The following ANKLE1 variants were observed in gnomAD, a reference collection of about 807,000 sequenced individuals.
ANKLE1 encodes structure-specific endonuclease ANKLE1.
In ANKLE1, 59 loss-of-function variants were observed where a neutral mutation model predicts 56.2. That is an observed-to-expected ratio of 1.05 (90% CI 0.85 to 1.30). The LOEUF (loss-of-function observed/expected upper bound fraction) is 1.30. ANKLE1 is among the 50% of genes most tolerant of loss of function. The pLI, the probability that ANKLE1 is intolerant of heterozygous loss-of-function variation, is 0.00. For missense variants in ANKLE1, 771 were observed against 816.1 expected (o/e 0.94, Z 0.67); for synonymous variants, 341 against 352.9 (o/e 0.97, Z 0.38).
chr19:17,283,108 A>T, intron 4 of ANKLE1, 106 bp downstream of exon 4: 3 of 1,541,268 alleles, frequency 1.9e-6, no homozygotes, highest in Non-Finnish European at 2.6e-6. Context: ...CACATCCACT[A>T]TTTGTGGCCA....
In ANKLE1 at chr19:17,285,686, C is replaced by T; in HGVS notation, c.1542C>T (p.His514=). ...GACTCCTGATTCTGCCCTAGCCCCACCAGGCCTGCCCCAAGGTGCGTCAGA... is the reference window on the plus strand; with the variant it reads ...GACTCCTGATTCTGCCCTAGCCCCATCAGGCCTGCCCCAAGGTGCGTCAGA... The part of the protein sequence containing the change: ...GHHGRSRKQP[H]QACPKVRQIL... Residue 514 remains histidine (H), a synonymous_variant, in exon 8 of 9, where the codon CAC becomes CAT. Coordinates refer to ENST00000404085, the MANE Select transcript of ANKLE1 (RefSeq NM_152363.6). 6.2e-7 allele frequency: 1 copy of T among 1,613,942 alleles called. No individual in the cohort carries two copies. Among genetic ancestry groups the T allele is most frequent in the Non-Finnish European group, 8.5e-7 (1 of 1,179,886 alleles).
At position 17,286,429 on chromosome 19, in the gene ANKLE1, G is replaced by T; in HGVS notation, c.1725G>T (p.Val575=). The change falls in exon 9 of 9, where the codon GTG becomes GTT. Residue 575 remains valine, a synonymous_variant. Coordinates refer to ENST00000404085, the MANE Select transcript of ANKLE1 (RefSeq NM_152363.6). The part of the protein sequence containing the change: ...NQKQGHCYGV[V]AGWPPARRRR... ...AGCAAGGGCACTGCTATGGAGTGGT[G>T]GCAGGCTGGCCACCTGCTCGTCGCC... 6.2e-7 allele frequency: 1 copy of T among 1,609,946 alleles called. No individual in the cohort carries two copies.
In ANKLE1 at chr19:17,281,905, C is replaced by A; in HGVS notation, c.-16C>A. 6.5e-7 allele frequency: 1 copy of A among 1,535,200 alleles called. No individual in the cohort carries two copies. On this transcript the variant is annotated 5_prime_UTR_variant, in exon 1 of 9. Coordinates refer to ENST00000404085, the MANE Select transcript of ANKLE1 (RefSeq NM_152363.6). ...AATCGACCGACCAGGCGGTGCGCTT[C>A]GGACCCAGCCAGGGCATGTGCTCGG...
chr19:17,285,539 A>G lies in ANKLE1; in HGVS notation c.1485A>G (p.Pro495=), dbSNP rs1299576521. 3 of 1,613,944 alleles carry G rather than the reference A, an allele frequency of 1.9e-6. No individual in the cohort carries two copies. The highest frequency in any genetic ancestry group is 2.5e-6 in the Non-Finnish European group (3 of 1,179,890). Residue 495 remains proline, a synonymous_variant, in exon 7 of 9, where the codon CCA becomes CCG. Transcript: ENST00000404085. The stretch of plus-strand genomic sequence containing the variant: ...TGGGCAAAGGGACGAGGGCCCGGCC[A>G]TATGTCCACCTCTGGGAGGCCCTTG... ...FYVGKGTRAR[P]YVHLWEALGH...
rs750898007 is a variant in ANKLE1 at position 17,286,390 on chromosome 19, G to A, written c.1686G>A (p.Thr562=). The A allele has an allele frequency of 1.9e-5, 30 of 1,568,678 alleles. No homozygotes were observed. In the African/African-American group the frequency reaches 2.7e-4, roughly 14 times the overall value. ...ATCCAATTTCTCCAGGGATCCAGAC[G>A]CTCACCAACCAGAAGCAAGGGCACT... is the stretch of plus-strand genomic sequence containing the variant. ...ACIVEALGIQ[T]LTNQKQGHCY... is the part of the protein sequence containing the mutation. The change falls in exon 9 of 9, where the codon ACG becomes ACA. Residue 562 remains threonine (T), a synonymous_variant. Transcript: ENST00000404085.
chr19:17,282,111 C>A lies in ANKLE1; in HGVS notation c.117C>A (p.Asp39Glu), dbSNP rs1449734346. ...CGGACCCTAATTTGGTGCTAGAGGA[C>A]GGCGCAGCGGCTGTGCACTTGGCGG... ...CGADPNLVLE[D>E]GAAAVHLAAG... Residue 39 changes from aspartate to glutamate, a missense_variant, in exon 2 of 9, where the codon GAC (aspartate) becomes GAA (glutamate). By Grantham distance (45) the Asp-to-Glu change is conservative (BLOSUM62 2). Transcript: ENST00000404085. The A allele has an allele frequency of 1.3e-6, 2 of 1,541,434 alleles. No individual in the cohort carries two copies. The highest frequency in any genetic ancestry group is 2.0e-5 in the Admixed American group (1 of 50,952).
At position 17,282,642 on chromosome 19, in the gene ANKLE1, C is replaced by A. The variant is rs773499825; in HGVS notation, c.216-14C>A. The A allele has an allele frequency of 3.3e-6, 5 of 1,533,084 alleles. No individual in the cohort carries two copies. The South Asian group carries it at 3.6e-5, about 11-fold the overall frequency. 95.0% of individuals were successfully genotyped at this position (1,533,084 alleles called of 1,614,324 possible). On this transcript the variant is annotated splice_polypyrimidine_tract_variant and intron_variant, in intron 2 of 8. Coordinates refer to ENST00000404085, the MANE Select transcript of ANKLE1 (RefSeq NM_152363.6). ...GCTGAGTCCGCAATGACCCCTCTTG[C>A]GCTGCCGCCCCAGATCTGTCGAGGC...
intron 8 of ANKLE1, 30 bp downstream of exon 8, chr19:17,285,849 A>T (rs930723554): frequency 1.2e-6 from 2 of 1,610,634 alleles, no homozygotes; most frequent in Non-Finnish European, 1.7e-6. Flanking sequence ...AATGGGGGTC[A>T]TATGAAAGGC....
At position 17,282,645 on chromosome 19, in the gene ANKLE1, T is replaced by C. The variant is rs1568339885; in HGVS notation, c.216-11T>C. 1.3e-6 allele frequency: 2 copies of C among 1,533,582 alleles called. No individual in the cohort carries two copies. The highest frequency in any genetic ancestry group is 1.7e-6 in the Non-Finnish European group (2 of 1,146,196). 95.0% of individuals were successfully genotyped at this position (1,533,582 alleles called of 1,614,324 possible). ...GAGTCCGCAATGACCCCTCTTGCGC[T>C]GCCGCCCCAGATCTGTCGAGGCACT... On this transcript the variant is annotated splice_polypyrimidine_tract_variant and intron_variant, in intron 2 of 8. Coordinates refer to ENST00000404085, the MANE Select transcript of ANKLE1 (RefSeq NM_152363.6).
Position 17,284,224 on chromosome 19 carries a change from G to T in ANKLE1, c.1334G>T (p.Gly445Val). ...GATCCTGCCAGGAGGTGGCGGGAGGGGGTCGTGAAGTCTAGCTTCACCTAT... is the reference window on the plus strand; with the variant it reads ...GATCCTGCCAGGAGGTGGCGGGAGGTGGTCGTGAAGTCTAGCTTCACCTAT... ...QPDPARRWRE[G>V]VVKSSFTYLL... Residue 445 changes from glycine (G) to valine (V), a missense_variant, in exon 6 of 9, where the codon GGG becomes GTG. By Grantham distance (109) the Gly-to-Val change is moderately radical (BLOSUM62 -3). Transcript: ENST00000404085. 6.2e-7 allele frequency: 1 copy of T among 1,613,848 alleles called. No homozygotes were observed. The highest frequency in any genetic ancestry group is 8.5e-7 in the Non-Finnish European group (1 of 1,179,880).
Position 17,282,694 on chromosome 19 carries a change from C to CCT in ANKLE1, c.254_255insCT (p.Trp86CysfsTer12), listed in dbSNP as rs2073985934. The CCT allele has an allele frequency of 1.3e-6, 2 of 1,535,436 alleles. No individual in the cohort carries two copies. The highest frequency in any genetic ancestry group is 1.4e-5 in the African/African-American group (1 of 73,024). On this transcript the variant is annotated frameshift_variant, in exon 3 of 9. Transcript: ENST00000404085. LOFTEE classifies it high-confidence loss of function. ...CTGACGCCGCTGCATGTGGCCGCCGCGTGGGGCTGCCGCCGCGGCCTGGAG... is the reference window on the plus strand; with the variant it reads ...CTGACGCCGCTGCATGTGGCCGCCGCCTGTGGGGCTGCCGCCGCGGCCTGGAG...
At chr19:17,284,383 CT>C (rs60208686) in intron 6 of ANKLE1, 117 bp downstream of exon 6, 628,733 of 858,740 alleles carry the variant, frequency 0.73, 236,689 homozygotes, top group African/African-American at 0.78. Context: ...GCTTCTTCTT[CT>C]TTTTTTTTAT....
intron 8 of ANKLE1, 53 bp downstream of exon 8, chr19:17,285,872 A>G: frequency 6.2e-7 from 1 of 1,601,210 alleles, no homozygotes; most frequent in Non-Finnish European, 8.5e-7. Context: ...TTGGCTTCCC[A>G]GTTCCCTCAT....
At chr19:17,282,599 C>G (rs1034497932) in intron 2 of ANKLE1, 57 bp from the exon 3 acceptor site, 1 of 1,475,272 alleles carries the variant, frequency 6.8e-7, no homozygotes, top group Non-Finnish European at 9.1e-7. Context: ...GAGCGGAGAT[C>G]GGGGTTCCTG....
Position 17,283,205 on chromosome 19 carries a change from G to A in ANKLE1, c.461-20G>A. On this transcript the variant is annotated intron_variant, in intron 4 of 8. Transcript: ENST00000404085. ...CTCATCCCTCCTCCTCTCCTCTCTG[G>A]CCCCCACTCTCACCTGCAGCCCCAG... 6.3e-7 allele frequency: 1 copy of A among 1,591,696 alleles called. No homozygotes were observed.
chr19:17,283,071 C>A, intron 4 of ANKLE1, 69 bp downstream of exon 4: 1 of 1,535,566 alleles, frequency 6.5e-7, no homozygotes, highest in Non-Finnish European at 8.7e-7. Flanking sequence ...GGGTCTTCCC[C>A]ACCCCACCCA....
intron 6 of ANKLE1, 112 bp from the exon 7 acceptor site, chr19:17,285,319 C>A: frequency 1.5e-6 from 2 of 1,308,780 alleles, no homozygotes; most frequent in Non-Finnish European, 2.1e-6. Flanking sequence ...TCTCTCTGAT[C>A]CTGTAATCAG....
chr19:17,282,716 G>C lies in ANKLE1; in HGVS notation c.276G>C (p.Leu92=), dbSNP rs1359228650. 4 of 1,538,902 alleles carry C rather than the reference G, an allele frequency of 2.6e-6. No homozygotes were observed. Among genetic ancestry groups the C allele is most frequent in the Non-Finnish European group, 1.7e-6 (2 of 1,148,772 alleles). Reference sequence around the variant, plus strand: ...CCGCGTGGGGCTGCCGCCGCGGCCTGGAGCTGCTGCTGAGCCAAGGAGCGG... The same window carrying C: ...CCGCGTGGGGCTGCCGCCGCGGCCTCGAGCTGCTGCTGAGCCAAGGAGCGG... The part of the protein sequence containing the change: ...VAAAWGCRRG[L]ELLLSQGADP... Residue 92 remains leucine, a synonymous_variant, in exon 3 of 9, where the codon CTG becomes CTC. Coordinates refer to ENST00000404085, the MANE Select transcript of ANKLE1 (RefSeq NM_152363.6).
In ANKLE1 at chr19:17,283,778, G is replaced by A; in HGVS notation, c.1014G>A (p.Glu338=). Residue 338 remains glutamate (E), a synonymous_variant, in exon 5 of 9, where the codon GAG becomes GAA. Coordinates refer to ENST00000404085, the MANE Select transcript of ANKLE1 (RefSeq NM_152363.6). ...ACATGGCCACGCTCTGGCTGACAGAGGATGAGGCAAGCTCTACAGGTGGCA... is the reference window on the plus strand; with the variant it reads ...ACATGGCCACGCTCTGGCTGACAGAAGATGAGGCAAGCTCTACAGGTGGCA... The part of the protein sequence containing the change: ...DSDMATLWLT[E]DEASSTGGRE... 3 of 1,613,698 alleles carry A rather than the reference G, an allele frequency of 1.9e-6. No individual in the cohort carries two copies. Among genetic ancestry groups the A allele is most frequent in the Non-Finnish European group, 2.5e-6 (3 of 1,179,910 alleles).
Sources: allele counts gnomAD v4.1 joint callset, GRCh38; gene constraint gnomAD v4.1.1; transcripts MANE v1.5; gene names NCBI Gene and HGNC (gene_info 2026-07-23, HGNC 2026-07-21).